Variants in IQGAP2 observed in about 807,000 individuals in gnomAD.
IQGAP2 encodes IQ motif containing GTPase activating protein 2, also known as ras GTPase-activating-like protein IQGAP2.
A neutral mutation model predicts 201.3 loss-of-function variants in IQGAP2; 173 were observed. The ratio of observed to expected loss-of-function variants is 0.86; its 90% CI spans 0.76 to 0.98. The LOEUF (loss-of-function observed/expected upper bound fraction) is 0.98, where lower values mean the gene tolerates loss of function less well. IQGAP2 is among the 50% of genes least tolerant of loss of function. The pLI is 0.00. For synonymous variants in IQGAP2, 675 were observed against 673.9 expected, an observed-to-expected ratio of 1.00 and a Z score of -0.03; for missense variants, 1,687 against 1,864.8, an observed-to-expected ratio of 0.90 and a Z score of 1.76.
At chr5:76,520,442 G>A (rs1360987418) in intron 2 of IQGAP2, among the ~76,000 whole-genome samples, 6 of 152,138 alleles carry the variant, frequency 3.9e-5, no homozygotes, top group Admixed American at 6.5e-5. Context: ...GATTACAAGC[G>A]TGAGCCACCG....
chr5:76,523,510 C>T (rs1758807867), intron 2 of IQGAP2, among the ~76,000 whole-genome samples: 2 of 152,116 alleles, frequency 1.3e-5, no homozygotes, highest in African/African-American at 4.8e-5. Context: ...AAAATGCATG[C>T]GTTTTTGTCT....
chr5:76,430,816 C>T (rs1179598827), intron 1 of IQGAP2, among the ~76,000 whole-genome samples: 1 of 152,118 alleles, frequency 6.6e-6, no homozygotes, highest in African/African-American at 2.4e-5. Flanking sequence ...AAAGCATGAA[C>T]AGTGTATATT....
rs895174973 is a variant in IQGAP2 at position 76,637,648 on chromosome 5, G to A, written c.1923+472G>A. On this transcript the variant is annotated intron_variant, in intron 16 of 35. Coordinates refer to ENST00000274364, the MANE Select transcript of IQGAP2 (RefSeq NM_006633.5). Reference sequence around the variant, plus strand: ...CCCCAGCCATCTCCAGGACAGCTTCGGAAGCAAAGAACAGAGTTGGGCAAA... The same window carrying A: ...CCCCAGCCATCTCCAGGACAGCTTCAGAAGCAAAGAACAGAGTTGGGCAAA... Among the ~76,000 whole-genome samples, 7 of 152,166 alleles carry A rather than the reference G, an allele frequency of 4.6e-5. No individual in the cohort carries two copies. The East Asian group carries it at 7.7e-4, about 17-fold the overall frequency.
intron 5 of IQGAP2, among the ~76,000 whole-genome samples, chr5:76,583,446 A>T (rs916787055): frequency 6.7e-5 from 10 of 150,100 alleles, no homozygotes; most frequent in East Asian, 2.0e-4. Flanking sequence ...TCAATGATTT[A>T]AAAAAAAAGA....
At chr5:76,702,650 T>C (rs1023956716) in intron 35 of IQGAP2, 60 bp downstream of exon 35, 2 of 778,188 alleles carry the variant, frequency 2.6e-6, no homozygotes, top group African/African-American at 1.7e-5. Flanking sequence ...CATACATTGC[T>C]ACCCTGGCTC....
intron 2 of IQGAP2, among the ~76,000 whole-genome samples, chr5:76,551,273 G>T (rs1194324049): frequency 2.0e-5 from 3 of 150,446 alleles, no homozygotes; most frequent in Non-Finnish European, 4.4e-5. Context: ...CGGGGCAGAG[G>T]CGCTCCCCAC....
At chr5:76,659,030 G>A (rs1432972440) in intron 21 of IQGAP2, among the ~76,000 whole-genome samples, 1 of 152,110 alleles carries the variant, frequency 6.6e-6, no homozygotes, top group Non-Finnish European at 1.5e-5. Flanking sequence ...CTTATATGAG[G>A]TCCACTGTTG....
intron 31 of IQGAP2, chr5:76,693,767 G>T: frequency 4.5e-5 from 8 of 177,054 alleles, no homozygotes; most frequent in Non-Finnish European, 4.8e-5. Flanking sequence ...TAGCTGACAG[G>T]ATATTGAAAA....
chr5:76,644,393 G>A (rs1044234420), intron 17 of IQGAP2, among the ~76,000 whole-genome samples: 8 of 145,020 alleles, frequency 5.5e-5, no homozygotes, highest in Non-Finnish European at 1.2e-4. Flanking sequence ...TCCACCTCCT[G>A]GGTTCAAGTG....
At chr5:76,693,250 T>C in intron 30 of IQGAP2, 105 bp from the exon 31 acceptor site, 1 of 658,552 alleles carries the variant, frequency 1.5e-6, no homozygotes, top group Non-Finnish European at 2.6e-6. Flanking sequence ...GTATTATCTT[T>C]GAAGCTTCAG....
intron 2 of IQGAP2, among the ~76,000 whole-genome samples, chr5:76,471,105 T>G (rs191502823): frequency 1.1e-4 from 16 of 152,286 alleles, no homozygotes; most frequent in Admixed American, 9.8e-4. Context: ...AGAATTCTTT[T>G]TGGATAAACT....
At chr5:76,486,646 T>TAA (rs1561407835) in intron 2 of IQGAP2, among the ~76,000 whole-genome samples, 1 of 152,014 alleles carries the variant, frequency 6.6e-6, no homozygotes, top group Non-Finnish European at 1.5e-5. Context: ...GATTTTTTTT[T>TAA]TAAAAAAGGA....
At position 76,674,616 on chromosome 5, in the gene IQGAP2, T is replaced by C; in HGVS notation, c.3434T>C (p.Leu1145Pro). Residue 1145 changes from leucine (L) to proline (P), a missense_variant, in exon 27 of 36, where the codon CTT becomes CCT. By Grantham distance (98) the Leu-to-Pro change is moderately conservative. Transcript: ENST00000274364. ...AACTTAGGATCAGTGGCCAAGGTTC[T>C]TCAGCACGCAGCCTCCAACAAGCTG... The part of the protein sequence containing the change: ...RRNLGSVAKV[L>P]QHAASNKLFE... 6.2e-7 allele frequency: 1 copy of C among 1,614,140 alleles called. No individual in the cohort carries two copies.
At chr5:76,464,918 G>A (rs1754690049) in intron 2 of IQGAP2, among the ~76,000 whole-genome samples, 1 of 152,100 alleles carries the variant, frequency 6.6e-6, no homozygotes, top group Non-Finnish European at 1.5e-5. Context: ...CTTATAATAA[G>A]TGAAGAGCCT....
chr5:76,610,793 T>TTTATAA (rs1301015097), intron 12 of IQGAP2, among the ~76,000 whole-genome samples: 1 of 152,152 alleles, frequency 6.6e-6, no homozygotes, highest in Non-Finnish European at 1.5e-5. Flanking sequence ...TAAATATTTA[T>TTTATAA]TTATAATTAT....
chr5:76,698,266 C>G, intron 33 of IQGAP2, 119 bp downstream of exon 33: 1 of 633,556 alleles, frequency 1.6e-6, no homozygotes, highest in East Asian at 3.0e-5. Context: ...GTCTTCTAAC[C>G]GAAAACTAGA....
intron 2 of IQGAP2, among the ~76,000 whole-genome samples, chr5:76,487,473 TA>T (rs1482083789): frequency 6.6e-6 from 1 of 152,164 alleles, no homozygotes; most frequent in Non-Finnish European, 1.5e-5. Flanking sequence ...GAAAAAAGTT[TA>T]TCTTTATAGT....
intron 12 of IQGAP2, chr5:76,609,013 T>C (rs1265721220): frequency 2.3e-5 from 31 of 1,320,402 alleles, no homozygotes; most frequent in Non-Finnish European, 3.0e-5. Flanking sequence ...CTTTTATTTA[T>C]AAACAGAGGA....
chr5:76,660,694 A>G (rs1242553071), intron 21 of IQGAP2, among the ~76,000 whole-genome samples: 2 of 152,238 alleles, frequency 1.3e-5, no homozygotes, highest in East Asian at 1.9e-4. Context: ...GTTTTTCAAC[A>G]TATTTGCAAA....
Sources: allele counts gnomAD v4.1 joint callset (sites outside exome capture counted in the v4.1 genomes callset), GRCh38; gene constraint gnomAD v4.1.1; transcripts MANE v1.5; gene names NCBI Gene and HGNC (gene_info 2026-07-23, HGNC 2026-07-21).